The following PARD3 variants were observed in gnomAD, a reference collection of about 807,000 sequenced individuals.
PARD3 encodes partitioning defective 3 homolog.
PARD3 carries 75 observed loss-of-function variants against 155.4 expected under a neutral mutation model. The observed-to-expected ratio is 0.48, with a 90% CI of 0.40 to 0.58. The LOEUF (loss-of-function observed/expected upper bound fraction) is 0.58, where lower values mean the gene tolerates loss of function less well. Among genes scored for constraint, PARD3 ranks in the 20% least tolerant of loss-of-function variants. The pLI, the probability that PARD3 is intolerant of heterozygous loss-of-function variation, is 0.00. For synonymous variants in PARD3, 576 were observed against 610.5 expected (o/e 0.94, Z 0.83); for missense variants, 1,642 against 1,721.7 (o/e 0.95, Z 0.82).
At chr10:34,789,152 C>T (rs1362210499) in intron 1 of PARD3, among the ~76,000 whole-genome samples, 3 of 152,170 alleles carry the variant, frequency 2.0e-5, no homozygotes, top group Non-Finnish European at 4.4e-5. Flanking sequence ...ATGGGCTGGG[C>T]ACAGTGGCTC....
intron 1 of PARD3, among the ~76,000 whole-genome samples, chr10:34,720,572 CG>C (rs1188380500): frequency 2.7e-5 from 4 of 150,844 alleles, no homozygotes; most frequent in Middle Eastern, 3.3e-3. Flanking sequence ...CTGAAGCGGG[CG>C]GATCACCTGA....
chr10:34,427,554 TTCGCCCTGACCTTGTGACC>T (rs1272370538), intron 5 of PARD3, among the ~76,000 whole-genome samples: 1 of 152,176 alleles, frequency 6.6e-6, no homozygotes, highest in Non-Finnish European at 1.5e-5. Context: ...TGATTCTAGT[TTCGCCCTGACCTTGTGACC>T]TCGCCCTGAC....
chr10:34,574,576 A>G (rs1590073384), intron 2 of PARD3, among the ~76,000 whole-genome samples: 2 of 152,242 alleles, frequency 1.3e-5, no homozygotes, highest in African/African-American at 2.4e-5. Context: ...AAAATCATCA[A>G]AAACGGCTTT....
intron 21 of PARD3, among the ~76,000 whole-genome samples, chr10:34,275,864 C>A (rs1353822343): frequency 6.6e-6 from 1 of 152,136 alleles, no homozygotes; most frequent in Non-Finnish European, 1.5e-5. Flanking sequence ...CACAAATTAT[C>A]TCCAAGATGT....
intron 5 of PARD3, among the ~76,000 whole-genome samples, chr10:34,427,514 C>T (rs1315516079): frequency 6.6e-6 from 1 of 152,210 alleles, no homozygotes; most frequent in African/African-American, 2.4e-5. Context: ...AATGACAATG[C>T]ATGCACAGCG....
At chr10:34,135,318 CT>C (rs774350933) in intron 22 of PARD3, among the ~76,000 whole-genome samples, 2 of 152,212 alleles carry the variant, frequency 1.3e-5, no homozygotes, top group Non-Finnish European at 2.9e-5. Flanking sequence ...ATTTCACGTT[CT>C]AACTAAATGA....
Position 34,174,598 on chromosome 10 carries a change from C to A in PARD3, c.3420-43015G>T, listed in dbSNP as rs553436896. On this transcript the variant is annotated intron_variant, in intron 22 of 24. Coordinates refer to ENST00000374788, the MANE Select transcript of PARD3 (RefSeq NM_001184785.2). The stretch of plus-strand genomic sequence containing the variant: ...CTGGCATAAAAGGGACAGTATCAGG[C>A]AAAAATTTAGGTTGTGGATGAAGTA... 5.9e-5 allele frequency among the ~76,000 whole-genome samples: 9 copies of A among 152,142 alleles called. No individual in the cohort carries two copies. The East Asian group carries it at 1.7e-3, about 29-fold the overall frequency.
chr10:34,172,829 A>G (rs1300308217), intron 22 of PARD3, among the ~76,000 whole-genome samples: 1 of 152,168 alleles, frequency 6.6e-6, no homozygotes, highest in African/African-American at 2.4e-5. Flanking sequence ...AAAGGTACAG[A>G]TAATTGCTGT....
chr10:34,645,540 T>C (rs551965013), intron 2 of PARD3, among the ~76,000 whole-genome samples: 5 of 152,296 alleles, frequency 3.3e-5, no homozygotes, highest in African/African-American at 1.2e-4. Context: ...AAATAAAGCC[T>C]CTACATTATG....
At chr10:34,502,868 G>A (rs1239507072) in intron 3 of PARD3, among the ~76,000 whole-genome samples, 1 of 152,198 alleles carries the variant, frequency 6.6e-6, no homozygotes, top group Admixed American at 6.5e-5. Context: ...CAGAGCTGGT[G>A]ACTTCTTTTC....
chr10:34,154,891 T>C (rs1948935193), intron 22 of PARD3, among the ~76,000 whole-genome samples: 1 of 152,214 alleles, frequency 6.6e-6, no homozygotes, highest in Admixed American at 6.5e-5. Context: ...GTAGTGACAA[T>C]TACCATTGTT....
At chr10:34,171,736 G>A (rs945748021) in intron 22 of PARD3, among the ~76,000 whole-genome samples, 70 of 151,870 alleles carry the variant, frequency 4.6e-4, no homozygotes, top group African/African-American at 1.6e-3. Flanking sequence ...GATCACCTGA[G>A]GTCAGGAGTT....
chr10:34,338,796 T>C lies in PARD3; in HGVS notation c.2409-1370A>G, dbSNP rs561754539. On this transcript the variant is annotated intron_variant, in intron 16 of 24. Coordinates refer to ENST00000374788, the MANE Select transcript of PARD3 (RefSeq NM_001184785.2). ...GACTTGAAATGTTTTGAGCTCATTA[T>C]GTATTAAATATGCTCAATAAAGAGA... Among the ~76,000 whole-genome samples the C allele has an allele frequency of 4.6e-5, 7 of 152,362 alleles. 1 individual carries two copies. The Middle Eastern group carries it at 0.014, about 296-fold the overall frequency.
At chr10:34,571,290 G>C (rs1366536494) in intron 2 of PARD3, among the ~76,000 whole-genome samples, 1 of 152,086 alleles carries the variant, frequency 6.6e-6, no homozygotes, top group African/African-American at 2.4e-5. Context: ...CTCCAGCCTA[G>C]GTGACAGAGG....
chr10:34,485,918 G>GTTTTTTTTTT (rs66906403), intron 3 of PARD3, among the ~76,000 whole-genome samples: 1 of 95,790 alleles, frequency 1.0e-5, no homozygotes, highest in African/African-American at 4.7e-5. Flanking sequence ...AACGTTTTGG[G>GTTTTTTTTTT]TTTTTTTTTT....
At chr10:34,577,376 A>C (rs2086979713) in intron 2 of PARD3, among the ~76,000 whole-genome samples, 1 of 152,200 alleles carries the variant, frequency 6.6e-6, no homozygotes, top group African/African-American at 2.4e-5. Context: ...AATTTGCTTA[A>C]TCCTCTTAGG....
At chr10:34,194,401 C>A (rs1352271624) in intron 22 of PARD3, among the ~76,000 whole-genome samples, 1 of 152,052 alleles carries the variant, frequency 6.6e-6, no homozygotes, top group Admixed American at 6.5e-5. Context: ...GTGGCCCGAG[C>A]CGCTCTTGTA....
intron 4 of PARD3, among the ~76,000 whole-genome samples, chr10:34,467,072 T>C (rs947933830): frequency 5.3e-5 from 8 of 152,046 alleles, no homozygotes; most frequent in African/African-American, 1.7e-4. Flanking sequence ...AGTAAAAAGA[T>C]TGCTGAATAT....
At chr10:34,811,381 T>C (rs765006890) in intron 1 of PARD3, among the ~76,000 whole-genome samples, 4 of 152,174 alleles carry the variant, frequency 2.6e-5, no homozygotes, top group Non-Finnish European at 5.9e-5. Flanking sequence ...GTAGCAGACA[T>C]TCTGCAGATT....
Sources: gnomAD v4.1 joint callset for allele counts (sites outside exome capture counted in the v4.1 genomes callset) on GRCh38, gnomAD v4.1.1 for gene constraint, MANE v1.5 for transcripts, NCBI Gene and HGNC (gene_info 2026-07-23, HGNC 2026-07-21) for gene names.